The following ANKS6 variants were observed in gnomAD, a reference collection of about 807,000 sequenced individuals.
ANKS6 encodes ankyrin repeat and SAM domain-containing protein 6.
A neutral mutation model predicts 77.9 loss-of-function variants in ANKS6; 47 were observed. The ratio of observed to expected loss-of-function variants is 0.60; its 90% confidence interval spans 0.48 to 0.77. The LOEUF is 0.77. Among genes scored for constraint, ANKS6 ranks in the 30% least tolerant of loss-of-function variants. The probability of loss-of-function intolerance (pLI) is 0.00; values close to 1 mark genes in which losing one functional copy is unlikely to be tolerated. For missense variants in ANKS6, 1,150 were observed against 1,159.1 expected, an observed-to-expected ratio of 0.99 and a Z score of 0.11; for synonymous variants, 488 against 501.7, an observed-to-expected ratio of 0.97 and a Z score of 0.37.
intron 10 of ANKS6, 32 bp from the exon 11 acceptor site, chr9:98,768,282 G>T: frequency 6.2e-7 from 1 of 1,611,828 alleles, no homozygotes. Flanking sequence ...GAACACCATG[G>T]GCACAGAGGG....
rs182388833 is a variant in ANKS6, at chr9:98,741,291, T to A, written c.2511+4268A>T. 3.8e-3 allele frequency among the ~76,000 whole-genome samples: 577 copies of A among 152,342 alleles called. 3 individuals carry two copies. The highest frequency in any genetic ancestry group is 0.013 in the African/African-American group (541 of 41,582). On this transcript the variant is annotated intron_variant, in intron 14 of 14. Coordinates refer to ENST00000353234, the MANE Select transcript of ANKS6 (RefSeq NM_173551.5). ...AATACGGACCCAAATTTATCTCAGTTATATTTTACGAAAATTTAAGGGTGT... is the reference window on the plus strand; with the variant it reads ...AATACGGACCCAAATTTATCTCAGTAATATTTTACGAAAATTTAAGGGTGT...
chr9:98,791,937 G>A lies in ANKS6; in HGVS notation c.360-1331C>T, dbSNP rs117858527. Reference sequence around the variant, plus strand: ...GCCTCTTGACCTCCACTCCCAGAGTGGAAAAGGACAAGGCAAATTGAAACC... The same window carrying A: ...GCCTCTTGACCTCCACTCCCAGAGTAGAAAAGGACAAGGCAAATTGAAACC... On this transcript the variant is annotated intron_variant, in intron 1 of 14. Transcript: ENST00000353234. The surrounding 1 kb of genome is among the most constrained non-coding windows in gnomAD (Gnocchi z 4.3). Among the ~76,000 whole-genome samples, 5,757 of 152,178 alleles carry A rather than the reference G, an allele frequency of 0.038. 148 individuals carry two copies. The highest frequency in any genetic ancestry group is 0.065 in the Middle Eastern group (19 of 294).
chr9:98,763,398 C>T (rs1218436451), intron 11 of ANKS6, among the ~76,000 whole-genome samples: 1 of 151,442 alleles, frequency 6.6e-6, no homozygotes, highest in Non-Finnish European at 1.5e-5. Flanking sequence ...ATCAATGGGC[C>T]AAAGAGGAAA....
In ANKS6 at chr9:98,768,164, A is replaced by T; in HGVS notation, c.2059T>A (p.Ser687Thr). 1 of 1,613,992 alleles carries T rather than the reference A, an allele frequency of 6.2e-7. No homozygotes were observed. The highest frequency in any genetic ancestry group is 1.7e-5 in the Admixed American group (1 of 60,022). Reference protein sequence around the residue: ...GLLEQKPSHRSSPVGPAPGSS... With the variant: ...GLLEQKPSHRTSPVGPAPGSS... ...CCCGGTGCTGGCCCCACAGGGCTTG[A>T]CCGATGGCTGGGTTTCTGCTCCAAT... The change falls in exon 11 of 15, where the codon TCA becomes ACA. Residue 687 changes from serine to threonine, a missense_variant. Transcript: ENST00000353234.
intron 6 of ANKS6, among the ~76,000 whole-genome samples, chr9:98,779,351 C>A (rs1834099722): frequency 6.6e-6 from 1 of 152,264 alleles, no homozygotes; most frequent in African/African-American, 2.4e-5. Flanking sequence ...GCAGGGAGAC[C>A]CCAGAGTGGC....
Position 98,771,055 on chromosome 9 carries a change from A to G in ANKS6, c.1822-9T>C, listed in dbSNP as rs1833596868. On this transcript the variant is annotated splice_polypyrimidine_tract_variant and intron_variant, in intron 9 of 14. Coordinates refer to ENST00000353234, the MANE Select transcript of ANKS6 (RefSeq NM_173551.5). ...ACAGGCCTGACGGGTGTCTACAAGA[A>G]TAAGGCAGGTGCAGCACTTAGGGAG... The G allele has an allele frequency of 6.5e-6, 10 of 1,546,368 alleles. No homozygotes were observed. Among genetic ancestry groups the G allele is most frequent in the Non-Finnish European group, 7.9e-6 (9 of 1,144,848 alleles).
At chr9:98,782,071 G>A (rs1050815768) in intron 5 of ANKS6, among the ~76,000 whole-genome samples, 6 of 152,200 alleles carry the variant, frequency 3.9e-5, no homozygotes, top group Non-Finnish European at 1.5e-5. Flanking sequence ...ATTAAGCTGA[G>A]AAGGCCATCG....
At chr9:98,793,533 G>T (rs1321688641) in intron 1 of ANKS6, among the ~76,000 whole-genome samples, 2 of 151,994 alleles carry the variant, frequency 1.3e-5, no homozygotes, top group Non-Finnish European at 2.9e-5. Flanking sequence ...TTTTGTTCTG[G>T]TTTTTTGAGA....
intron 14 of ANKS6, among the ~76,000 whole-genome samples, chr9:98,743,254 C>T (rs1831936466): frequency 6.6e-6 from 1 of 152,170 alleles, no homozygotes; most frequent in South Asian, 2.1e-4. Context: ...CCTCTAACGC[C>T]TGGGCCACAG....
intron 6 of ANKS6, 54 bp downstream of exon 6, chr9:98,780,135 G>A (rs940862652): frequency 6.3e-5 from 101 of 1,600,652 alleles, no homozygotes; most frequent in African/African-American, 2.4e-4. Context: ...CAGGCTCCCC[G>A]CCAGCCCCCA....
Position 98,740,643 on chromosome 9 carries a change from GC to G in ANKS6, c.2512-4021del, listed in dbSNP as rs569211601. 9.1e-4 allele frequency among the ~76,000 whole-genome samples: 139 copies of G among 152,272 alleles called. 2 individuals are homozygous for G. In the South Asian group the frequency reaches 0.028, roughly 31 times the overall value. On this transcript the variant is annotated intron_variant, in intron 14 of 14. Transcript: ENST00000353234. ...GAGGTCAGGGCAAGACAGGGTTCCG[GC>G]CCTCGCTGCCTGCTAACCTTAGGAG...
chr9:98,733,498 C>G lies in ANKS6; in HGVS notation c.*3021G>C. ...TGATGTCCCACTGCCAAGCAGGCCA[C>G]CTCTGCAGAGCTGCTGGGGAGAAAA... On this transcript the variant is annotated 3_prime_UTR_variant, in exon 15 of 15. Coordinates refer to ENST00000353234, the MANE Select transcript of ANKS6 (RefSeq NM_173551.5). The G allele has an allele frequency of 1.0e-6, 1 of 985,532 alleles. No individual in the cohort carries two copies. Among genetic ancestry groups the G allele is most frequent in the Non-Finnish European group, 1.2e-6 (1 of 829,996 alleles). 61.0% of individuals were successfully genotyped at this position (985,532 alleles called of 1,614,324 possible). A position where few individuals can be genotyped will look rare whatever the true frequency, so the allele number is the denominator to read the frequency against.
At chr9:98,752,920 G>A (rs957052402) in intron 12 of ANKS6, among the ~76,000 whole-genome samples, 7 of 152,176 alleles carry the variant, frequency 4.6e-5, no homozygotes, top group African/African-American at 1.7e-4. Flanking sequence ...GAGCGAGGAT[G>A]TATGAGACAA....
chr9:98,774,313 G>T (rs1433032927), intron 8 of ANKS6, among the ~76,000 whole-genome samples: 1 of 152,200 alleles, frequency 6.6e-6, no homozygotes, highest in Admixed American at 6.5e-5. Context: ...AGCAAGATCA[G>T]AATGGGGCAG....
At chr9:98,739,823 C>T (rs1298556166) in intron 14 of ANKS6, among the ~76,000 whole-genome samples, 5 of 123,346 alleles carry the variant, frequency 4.1e-5, no homozygotes, top group African/African-American at 1.7e-4. Context: ...GGCGCAATCT[C>T]GGCTCACTGC....
In ANKS6 at chr9:98,733,095, A is replaced by G. The variant is rs898297509; in HGVS notation, c.*3424T>C. 2 of 846,266 alleles carry G rather than the reference A, an allele frequency of 2.4e-6. No individual in the cohort carries two copies. The highest frequency in any genetic ancestry group is 2.8e-6 in the Non-Finnish European group (2 of 702,360). The allele number at this position is 846,266 out of a possible 1,614,324, so 52.4% of individuals were successfully genotyped here. A position where few individuals can be genotyped will look rare whatever the true frequency, so the allele number is the denominator to read the frequency against. ...CACCGACATGATTGTCTCCTCTAAG[A>G]TACTGTGGGGTTCCCTTGAGGGCAG... On this transcript the variant is annotated 3_prime_UTR_variant, in exon 15 of 15. Transcript: ENST00000353234.
At chr9:98,739,300 A>G (rs919662284) in intron 14 of ANKS6, among the ~76,000 whole-genome samples, 3 of 152,136 alleles carry the variant, frequency 2.0e-5, no homozygotes, top group African/African-American at 7.2e-5. Flanking sequence ...AACAACGACA[A>G]CAACAACAAC....
chr9:98,756,642 T>A, intron 11 of ANKS6, 39 bp from the exon 12 acceptor site: 1 of 1,432,042 alleles, frequency 7.0e-7, no homozygotes. Flanking sequence ...AGCCATCACC[T>A]GTAGGGTAGA....
intron 4 of ANKS6, 27 bp downstream of exon 4, chr9:98,783,926 C>T (rs771829806): frequency 1.5e-5 from 23 of 1,516,312 alleles, no homozygotes; most frequent in Non-Finnish European, 1.9e-5. Flanking sequence ...CTGGCCTTGT[C>T]GCTGAGGGCG....
Sources: gnomAD v4.1 joint callset for allele counts (sites outside exome capture counted in the v4.1 genomes callset) on GRCh38, gnomAD v4.1.1 for gene constraint, Gnocchi (gnomAD v3.1) non-coding constraint, MANE v1.5 for transcripts, NCBI Gene and HGNC (gene_info 2026-07-23, HGNC 2026-07-21) for gene names.